RCOR1: variants seen among roughly 807,000 people sequenced by gnomAD.
The protein encoded by RCOR1 is REST corepressor 1.
In RCOR1, 12 loss-of-function variants were observed where a neutral mutation model predicts 64.0. The ratio of observed to expected loss-of-function variants is 0.19; its 90% confidence interval spans 0.12 to 0.30. The LOEUF is 0.30. Among genes scored for constraint, RCOR1 ranks in the 10% least tolerant of loss-of-function variants. RCOR1 has a pLI of 1.00. For synonymous variants in RCOR1, 279 were observed against 227.2 expected, an observed-to-expected ratio of 1.23 and a Z score of -2.05; for missense variants, 502 against 621.2, an observed-to-expected ratio of 0.81 and a Z score of 2.04.
At chr14:102,693,022 T>G (rs1895569867) in intron 3 of RCOR1, among the ~76,000 whole-genome samples, 1 of 152,158 alleles carries the variant, frequency 6.6e-6, no homozygotes, top group Admixed American at 6.5e-5. Context: ...TGCCTCAGCC[T>G]CTCAAAGTGT....
At chr14:102,615,311 T>TA (rs145132074) in intron 2 of RCOR1, among the ~76,000 whole-genome samples, 1 of 151,084 alleles carries the variant, frequency 6.6e-6, no homozygotes, top group African/African-American at 2.4e-5. Context: ...TTTTTTTTTT[T>TA]AATATTTTTT....
chr14:102,648,830 A>T (rs564859514), intron 2 of RCOR1, among the ~76,000 whole-genome samples: 1 of 152,318 alleles, frequency 6.6e-6, no homozygotes, highest in East Asian at 1.9e-4. Context: ...TGGCCCAGAC[A>T]TGGAATCCAG....
At chr14:102,636,263 T>C (rs1272995511) in intron 2 of RCOR1, among the ~76,000 whole-genome samples, 3 of 151,612 alleles carry the variant, frequency 2.0e-5, no homozygotes. Context: ...TAAAAAAAAT[T>C]TTTTTTAACG....
At chr14:102,676,577 C>T (rs1337274776) in intron 2 of RCOR1, among the ~76,000 whole-genome samples, 2 of 76,344 alleles carry the variant, frequency 2.6e-5, no homozygotes, top group Admixed American at 1.1e-4. Flanking sequence ...CCAGTAGGGG[C>T]GGCCGGGCAG....
At position 102,671,749 on chromosome 14, in the gene RCOR1, C is replaced by T. The variant is rs150659812; in HGVS notation, c.362-10146C>T. On this transcript the variant is annotated intron_variant, in intron 2 of 11. Transcript: ENST00000262241. The stretch of plus-strand genomic sequence containing the variant: ...AAAATATGCAAAATTCAGTGGTTTT[C>T]GGTATATTCAGAGTTGTGTAACTAT... Among the ~76,000 whole-genome samples the T allele has an allele frequency of 7.4e-4, 112 of 152,244 alleles. 1 individual carries two copies. The East Asian group carries it at 0.018, about 24-fold the overall frequency.
chr14:102,650,563 C>T (rs1278332884), intron 2 of RCOR1, among the ~76,000 whole-genome samples: 1 of 152,134 alleles, frequency 6.6e-6, no homozygotes, highest in Non-Finnish European at 1.5e-5. Context: ...AAAGACAGAA[C>T]AGGATTCCCT....
At chr14:102,684,308 T>C (rs1457058430) in intron 3 of RCOR1, among the ~76,000 whole-genome samples, 3 of 152,336 alleles carry the variant, frequency 2.0e-5, no homozygotes, top group African/African-American at 7.2e-5. Context: ...TTATTTACTT[T>C]GTCACGGAAG....
At chr14:102,708,167 A>C (rs1026456208) in intron 5 of RCOR1, among the ~76,000 whole-genome samples, 1 of 151,992 alleles carries the variant, frequency 6.6e-6, no homozygotes, top group Admixed American at 6.6e-5. Context: ...GGATTTCACC[A>C]TGTTGGCCAG....
chr14:102,653,998 T>TCTTTCTTTG (rs1595214214), intron 2 of RCOR1, among the ~76,000 whole-genome samples: 3 of 126,610 alleles, frequency 2.4e-5, no homozygotes, highest in African/African-American at 9.8e-5. Context: ...TTTTTTTTTT[T>TCTTTCTTTG]TTTTTGAGAC....
At chr14:102,705,676 C>T (rs1212255318) in intron 4 of RCOR1, among the ~76,000 whole-genome samples, 3 of 152,134 alleles carry the variant, frequency 2.0e-5, no homozygotes, top group Non-Finnish European at 4.4e-5. Context: ...CCAGGCTGGT[C>T]TCCATGTTCT....
At chr14:102,686,328 C>T (rs1895418247) in intron 3 of RCOR1, among the ~76,000 whole-genome samples, 1 of 152,154 alleles carries the variant, frequency 6.6e-6, no homozygotes, top group Non-Finnish European at 1.5e-5. Flanking sequence ...GCAGAAGGTA[C>T]AGAGTGCCCA....
rs1023087465 is a variant in RCOR1 at position 102,593,003 on chromosome 14, C to G, written c.117C>G (p.Ala39=). The part of the protein sequence containing the change: ...AASAAASAAC[A]SPAATAASGA... ...CCGCCGCCGCCTCGGCCGCCTGCGC[C>G]TCGCCAGCCGCCACTGCCGCCTCGG... Residue 39 remains alanine (A), a synonymous_variant, in exon 1 of 12, where the codon GCC becomes GCG. Coordinates refer to ENST00000262241, the MANE Select transcript of RCOR1 (RefSeq NM_015156.4). The G allele has an allele frequency of 3.1e-5, 37 of 1,192,422 alleles. No homozygotes were observed. In the African/African-American group the frequency reaches 5.9e-4, roughly 19 times the overall value. The allele number at this position is 1,192,422 out of a possible 1,614,324, so 73.9% of individuals were successfully genotyped here. A position where few individuals can be genotyped will look rare whatever the true frequency, so the allele number is the denominator to read the frequency against.
intron 4 of RCOR1, among the ~76,000 whole-genome samples, chr14:102,707,077 A>G (rs1895873050): frequency 1.3e-5 from 2 of 152,092 alleles, no homozygotes; most frequent in Non-Finnish European, 2.9e-5. Flanking sequence ...TAAATAATTT[A>G]TTTAAATTGC....
At chr14:102,715,337 C>T (rs765231225) in intron 8 of RCOR1, among the ~76,000 whole-genome samples, 1 of 147,786 alleles carries the variant, frequency 6.8e-6, no homozygotes, top group Non-Finnish European at 1.5e-5. Flanking sequence ...TCCCAAAGTG[C>T]TGGAATTACA....
chr14:102,656,129 A>ATTT (rs201549580), intron 2 of RCOR1: 2 of 978,934 alleles, frequency 2.0e-6, no homozygotes, highest in African/African-American at 3.6e-5. Context: ...CTTTGCTGAG[A>ATTT]TTTTTTTATT....
At chr14:102,626,396 C>T (rs1205089550) in intron 2 of RCOR1, among the ~76,000 whole-genome samples, 2 of 152,152 alleles carry the variant, frequency 1.3e-5, no homozygotes, top group African/African-American at 2.4e-5. Flanking sequence ...CAGAGTGCTA[C>T]GTTATCCAGC....
chr14:102,664,880 C>G (rs1894887226), intron 2 of RCOR1, among the ~76,000 whole-genome samples: 1 of 152,132 alleles, frequency 6.6e-6, no homozygotes, highest in African/African-American at 2.4e-5. Context: ...AAGCATTCGA[C>G]TTAGTATTTT....
chr14:102,704,894 A>G lies in RCOR1; in HGVS notation c.499-2457A>G, dbSNP rs141585990. The stretch of plus-strand genomic sequence containing the variant: ...GGTCCCAGCTACTTGGGAGGATGAG[A>G]TGGGAAGATTTGTTGAGCCCAGGAG... On this transcript the variant is annotated intron_variant, in intron 4 of 11. Coordinates refer to ENST00000262241, the MANE Select transcript of RCOR1 (RefSeq NM_015156.4). Among the ~76,000 whole-genome samples the G allele has an allele frequency of 2.1e-4, 32 of 152,160 alleles. No individual in the cohort carries two copies. In the East Asian group the frequency reaches 6.2e-3, roughly 29 times the overall value.
At chr14:102,701,126 T>C in intron 3 of RCOR1, 152 bp from the exon 4 acceptor site, 1 of 680,966 alleles carries the variant, frequency 1.5e-6, no homozygotes, top group Non-Finnish European at 2.6e-6. Context: ...CACTTGGGAA[T>C]TGTGGGAGAT....
Sources: allele counts gnomAD v4.1 joint callset (sites outside exome capture counted in the v4.1 genomes callset), GRCh38; gene constraint gnomAD v4.1.1; transcripts MANE v1.5; gene names NCBI Gene and HGNC (gene_info 2026-07-23, HGNC 2026-07-21).